HEPACAM: variants seen among roughly 807,000 people sequenced by gnomAD.
HEPACAM encodes the protein hepatic and glial cell adhesion molecule.
Under a neutral mutation model 38.3 loss-of-function variants are expected in HEPACAM, and 18 were observed. That is an observed-to-expected ratio of 0.47 (90% CI 0.33 to 0.70). The LOEUF (loss-of-function observed/expected upper bound fraction) is 0.70. Ranked by LOEUF, HEPACAM falls within the 30% of genes least tolerant of loss-of-function variation. The pLI, the probability that HEPACAM is intolerant of heterozygous loss-of-function variation, is 0.03. For missense variants in HEPACAM, 466 were observed against 563.0 expected (o/e 0.83, Z 1.74); for synonymous variants, 216 against 243.1 (o/e 0.89, Z 1.04).
chr11:124,924,025 T>G lies in HEPACAM; in HGVS notation c.428-15A>C. On this transcript the variant is annotated splice_polypyrimidine_tract_variant and intron_variant, in intron 2 of 6. Coordinates refer to ENST00000298251, the MANE Select transcript of HEPACAM (RefSeq NM_152722.5). The surrounding 1 kb of genome is among the most constrained non-coding windows in gnomAD (Gnocchi z 4.4). ...CGAAATGGGCACTGAGCCGCAGGAA[T>G]GGGGGAGCCTGTAAGTCATTGGCTA... 1 of 1,600,154 alleles carries G rather than the reference T, an allele frequency of 6.2e-7. No individual in the cohort carries two copies.
intron 1 of HEPACAM, among the ~76,000 whole-genome samples, 191 bp downstream of exon 1, chr11:124,935,731 G>A (rs543326673): frequency 2.6e-5 from 4 of 152,150 alleles, no homozygotes; most frequent in Non-Finnish European, 4.4e-5. Context: ...GGTAGGGGCC[G>A]CGCGGGAGGC....
At position 124,922,805 on chromosome 11, in the gene HEPACAM, GCTT is replaced by G. The variant is rs764604341; in HGVS notation, c.814_816del (p.Lys272del). The stretch of plus-strand genomic sequence containing the variant: ...TATTCCAGGGAGTTTTGCTTTTCTA[GCTT>G]CTTCTGTTTCCTGTGAATCAATTCA... On this transcript the variant is annotated inframe_deletion, in exon 5 of 7. Coordinates refer to ENST00000298251, the MANE Select transcript of HEPACAM (RefSeq NM_152722.5). 56 of 1,614,020 alleles carry G rather than the reference GCTT, an allele frequency of 3.5e-5. No homozygotes were observed. Among genetic ancestry groups the G allele is most frequent in the Non-Finnish European group, 4.5e-5 (53 of 1,180,030 alleles).
At chr11:124,926,955 G>T (rs1041036816) in intron 1 of HEPACAM, among the ~76,000 whole-genome samples, 1 of 152,010 alleles carries the variant, frequency 6.6e-6, no homozygotes, top group Non-Finnish European at 1.5e-5. Context: ...TGCAAGCTCC[G>T]CCTCCCAGGT....
At chr11:124,932,312 G>A (rs1947289587) in intron 1 of HEPACAM, among the ~76,000 whole-genome samples, 1 of 152,104 alleles carries the variant, frequency 6.6e-6, no homozygotes, top group African/African-American at 2.4e-5. Flanking sequence ...TGTTTCTATT[G>A]GGTCCCTAGA....
chr11:124,928,714 C>G (rs1947248180), intron 1 of HEPACAM, among the ~76,000 whole-genome samples: 1 of 152,148 alleles, frequency 6.6e-6, no homozygotes, highest in South Asian at 2.1e-4. Flanking sequence ...ATAATGCAAC[C>G]ATTTGTCTCT....
chr11:124,930,859 A>C (rs1464720127), intron 1 of HEPACAM, among the ~76,000 whole-genome samples: 1 of 152,260 alleles, frequency 6.6e-6, no homozygotes, highest in Non-Finnish European at 1.5e-5. Flanking sequence ...GATGGATTGC[A>C]GATCTAAATA....
Position 124,920,074 on chromosome 11 carries a change from G to A in HEPACAM, c.*1064C>T. 1 of 1,559,318 alleles carries A rather than the reference G, an allele frequency of 6.4e-7. No homozygotes were observed. Among genetic ancestry groups the A allele is most frequent in the Non-Finnish European group, 8.7e-7 (1 of 1,149,632 alleles). The stretch of plus-strand genomic sequence containing the variant: ...GACCTGAGCATGTGGGAGCAGGGCA[G>A]ATGGGTGGCAGGAGGCCAGGGGTTG... On this transcript the variant is annotated 3_prime_UTR_variant, in exon 7 of 7. Transcript: ENST00000298251.
At chr11:124,935,594 C>T (rs1422855208) in intron 1 of HEPACAM, among the ~76,000 whole-genome samples, 1 of 152,194 alleles carries the variant, frequency 6.6e-6, no homozygotes, top group Non-Finnish European at 1.5e-5. Flanking sequence ...CCACCACAAT[C>T]CCTTGGAAAG....
At position 124,919,653 on chromosome 11, in the gene HEPACAM, G is replaced by A; in HGVS notation, c.*1485C>T. The A allele has an allele frequency of 2.2e-6, 3 of 1,382,364 alleles. No homozygotes were observed. Among genetic ancestry groups the A allele is most frequent in the Non-Finnish European group, 3.0e-6 (3 of 1,008,462 alleles). The allele number at this position is 1,382,364 out of a possible 1,614,324, so 85.6% of individuals were successfully genotyped here. A position where few individuals can be genotyped will look rare whatever the true frequency, so the allele number is the denominator to read the frequency against. On this transcript the variant is annotated 3_prime_UTR_variant, in exon 7 of 7. Coordinates refer to ENST00000298251, the MANE Select transcript of HEPACAM (RefSeq NM_152722.5). ...CTGGGGAAGTGCCGAGGGACAGGGA[G>A]CTGAGACAGGCATGCTGTGGGGTTC...
At chr11:124,933,187 T>G (rs1947299835) in intron 1 of HEPACAM, among the ~76,000 whole-genome samples, 1 of 152,106 alleles carries the variant, frequency 6.6e-6, no homozygotes, top group Non-Finnish European at 1.5e-5. Flanking sequence ...ATAATTTTTT[T>G]TTTTGAGAAA....
Position 124,919,573 on chromosome 11 carries a change from A to G in HEPACAM, c.*1565T>C. On this transcript the variant is annotated 3_prime_UTR_variant, in exon 7 of 7. Transcript: ENST00000298251. ...CCCTACATGCATTATCTCATTATGG[A>G]TGAGGCACCTGGGAAGTTTAGGGGA... is the stretch of plus-strand genomic sequence containing the variant. The G allele has an allele frequency of 1.6e-6, 1 of 642,218 alleles. No homozygotes were observed. The highest frequency in any genetic ancestry group is 2.0e-5 in the South Asian group (1 of 50,026). 39.8% of individuals were successfully genotyped at this position (642,218 alleles called of 1,614,324 possible).
In HEPACAM at chr11:124,924,698, C is replaced by A; in HGVS notation, c.427+30G>T. ...CCTTTCCCTAGTCCCACCTGCCAGT[C>A]TTGCCTCTTTCCCTGCCAGAGCGCT... is the stretch of plus-strand genomic sequence containing the variant. On this transcript the variant is annotated intron_variant, in intron 2 of 6. Coordinates refer to ENST00000298251, the MANE Select transcript of HEPACAM (RefSeq NM_152722.5). The surrounding 1 kb of genome is among the most constrained non-coding windows in gnomAD (Gnocchi z 4.4). 1.3e-6 allele frequency: 2 copies of A among 1,593,756 alleles called. No homozygotes were observed. Among genetic ancestry groups the A allele is most frequent in the South Asian group, 2.2e-5 (2 of 90,580 alleles).
Position 124,919,990 on chromosome 11 carries a change from C to G in HEPACAM, c.*1148G>C. The stretch of plus-strand genomic sequence containing the variant: ...GGCATGTCCTGGCTACACAGCGGCC[C>G]AGCCTCTTTATTTTGATGTTAGTGT... On this transcript the variant is annotated 3_prime_UTR_variant, in exon 7 of 7. Coordinates refer to ENST00000298251, the MANE Select transcript of HEPACAM (RefSeq NM_152722.5). The G allele has an allele frequency of 3.1e-6, 5 of 1,613,274 alleles. No homozygotes were observed. Among genetic ancestry groups the G allele is most frequent in the Non-Finnish European group, 4.2e-6 (5 of 1,179,982 alleles).
intron 1 of HEPACAM, among the ~76,000 whole-genome samples, chr11:124,934,612 C>T (rs957185917): frequency 6.6e-6 from 1 of 151,800 alleles, no homozygotes; most frequent in Non-Finnish European, 1.5e-5. Flanking sequence ...CAGAGCCCTC[C>T]CTAGAAGCTT....
At chr11:124,931,462 A>C (rs908166973) in intron 1 of HEPACAM, among the ~76,000 whole-genome samples, 1 of 152,196 alleles carries the variant, frequency 6.6e-6, no homozygotes, top group Non-Finnish European at 1.5e-5. Flanking sequence ...ATGCCTTGGC[A>C]TCTTAAAGTG....
rs1214186650 is a variant in HEPACAM, at chr11:124,924,056, T to C, written c.428-46A>G. ...AGCCTGTAAGTCATTGGCTAAGAAG[T>C]GTCTCCCTTCCCCTTTTTAGCTCCC... On this transcript the variant is annotated intron_variant, in intron 2 of 6. Transcript: ENST00000298251. The surrounding 1 kb of genome is among the most constrained non-coding windows in gnomAD (Gnocchi z 4.4). 3 of 1,562,452 alleles carry C rather than the reference T, an allele frequency of 1.9e-6. No individual in the cohort carries two copies. The highest frequency in any genetic ancestry group is 1.7e-6 in the Non-Finnish European group (2 of 1,157,532).
intron 3 of HEPACAM, 43 bp downstream of exon 3, chr11:124,923,686 T>C (rs1330348717): frequency 6.2e-7 from 1 of 1,611,478 alleles, no homozygotes; most frequent in African/African-American, 1.3e-5. Flanking sequence ...CACCTGCCTC[T>C]TGGGGCTTTG....
At chr11:124,933,896 T>G (rs1237161734) in intron 1 of HEPACAM, among the ~76,000 whole-genome samples, 1 of 152,190 alleles carries the variant, frequency 6.6e-6, no homozygotes, top group Non-Finnish European at 1.5e-5. Flanking sequence ...TGTTCTCTCT[T>G]TGTCTCCTTA....
intron 5 of HEPACAM, 119 bp downstream of exon 5, chr11:124,922,626 A>G (rs746631186): frequency 1.9e-6 from 3 of 1,612,808 alleles, no homozygotes; most frequent in Middle Eastern, 1.7e-4. Context: ...GTCTTCGTGC[A>G]GTTGGTGGGG....
Sources: allele counts gnomAD v4.1 joint callset (sites outside exome capture counted in the v4.1 genomes callset), GRCh38; gene constraint gnomAD v4.1.1; non-coding constraint Gnocchi (gnomAD v3.1); transcripts MANE v1.5; gene names NCBI Gene and HGNC (gene_info 2026-07-23, HGNC 2026-07-21).